The following POLE4 variants were observed in gnomAD, a reference collection of about 807,000 sequenced individuals.
POLE4 encodes DNA polymerase epsilon subunit 4.
Under a neutral mutation model 15.6 loss-of-function variants are expected in POLE4, and 15 were observed. That is an observed-to-expected ratio of 0.96 (90% confidence interval 0.64 to 1.48). POLE4 has a LOEUF of 1.48. Among genes scored for constraint, POLE4 ranks in the 40% most tolerant of loss-of-function variants. The probability of loss-of-function intolerance (pLI) is 0.00; values close to 1 mark genes in which losing one functional copy is unlikely to be tolerated. For missense variants in POLE4, 205 were observed against 151.9 expected, an observed-to-expected ratio of 1.35 and a Z score of -1.84; for synonymous variants, 83 against 63.2, an observed-to-expected ratio of 1.31 and a Z score of -1.49.
chr2:74,958,716 C>G lies in POLE4; in HGVS notation c.37C>G (p.Arg13Gly), dbSNP rs779627545. 2.7e-6 allele frequency: 4 copies of G among 1,495,358 alleles called. No individual in the cohort carries two copies. The highest frequency in any genetic ancestry group is 2.7e-6 in the Non-Finnish European group (3 of 1,126,022). 92.6% of individuals were successfully genotyped at this position (1,495,358 alleles called of 1,614,324 possible). The part of the protein sequence containing the change: ...AAAAAGSGTP[R>G]EEEGPAGEAA... ...GGCGGCGGCAGGAAGCGGGACGCCC[C>G]GAGAGGAGGAGGGACCTGCTGGGGA... The change falls in exon 1 of 4, where the codon CGA (arginine) becomes GGA (glycine). Residue 13 changes from arginine (R) to glycine (G), a missense_variant. Arg to Gly is a moderately radical substitution (Grantham distance 125, BLOSUM62 -2). Transcript: ENST00000483063.
chr2:74,963,615 G>A (rs1558828287), intron 3 of POLE4, among the ~76,000 whole-genome samples: 1 of 151,882 alleles, frequency 6.6e-6, no homozygotes, highest in Non-Finnish European at 1.5e-5. Flanking sequence ...AGATTCTCAC[G>A]TAACTGGGAC....
intron 3 of POLE4, among the ~76,000 whole-genome samples, chr2:74,963,447 ATTTTTGTCCT>A (rs1462927519): frequency 6.7e-6 from 1 of 150,364 alleles, no homozygotes; most frequent in Non-Finnish European, 1.5e-5. Flanking sequence ...TCTGTTAGCT[ATTTTTGTCCT>A]TTTTCTTATT....
Position 74,959,405 on chromosome 2 carries a change from C to T in POLE4, c.278C>T (p.Thr93Ile), listed in dbSNP as rs771295926. 2 of 1,611,690 alleles carry T rather than the reference C, an allele frequency of 1.2e-6. No individual in the cohort carries two copies. The highest frequency in any genetic ancestry group is 1.7e-5 in the Admixed American group (1 of 60,012). Residue 93 changes from threonine to isoleucine, a missense_variant, in exon 2 of 4, where the codon ACC (threonine) becomes ATC (isoleucine). Coordinates refer to ENST00000483063, the MANE Select transcript of POLE4 (RefSeq NM_019896.4). The stretch of plus-strand genomic sequence containing the variant: ...TGCGCTCAGCAGGGAAAAAGGAAAA[C>T]CCTTCAGAGGAGAGACTTGGGTAGA... Reference protein sequence around the residue: ...YCCAQQGKRKTLQRRDLDNAI... With the variant: ...YCCAQQGKRKILQRRDLDNAI...
intron 3 of POLE4, among the ~76,000 whole-genome samples, chr2:74,963,234 C>T (rs1671249606): frequency 6.6e-6 from 1 of 152,168 alleles, no homozygotes; most frequent in Non-Finnish European, 1.5e-5. Context: ...ATTCACGTTC[C>T]TACCAGCAGT....
intron 3 of POLE4, among the ~76,000 whole-genome samples, chr2:74,965,538 G>C (rs753222988): frequency 2.2e-4 from 33 of 152,164 alleles, no homozygotes; most frequent in Non-Finnish European, 5.9e-5. Context: ...TAGATTTTCT[G>C]TGTTCTTACT....
rs979426286 is a variant in POLE4, at chr2:74,958,875, A to C, written c.196A>C (p.Ile66Leu). 1.3e-5 allele frequency: 20 copies of C among 1,557,554 alleles called. No homozygotes were observed. The highest frequency in any genetic ancestry group is 4.1e-5 in the African/African-American group (3 of 73,266). ...GCTAGCGGGACAGGAAGCCATCTTC[A>C]TTCTGGCACGAGCCGCGGTGCGCCT... ...VTLAGQEAIFILARAAELFVE... is the reference protein window; with the variant it reads ...VTLAGQEAIFLLARAAELFVE... The change falls in exon 1 of 4, where the codon ATT becomes CTT. Residue 66 changes from isoleucine to leucine, a missense_variant. Ile to Leu is a conservative substitution (Grantham distance 5). Transcript: ENST00000483063.
chr2:74,959,698 T>G (rs1671187668), intron 2 of POLE4: 1 of 424,374 alleles, frequency 2.4e-6, no homozygotes, highest in South Asian at 4.2e-5. Context: ...TATTTCTTTT[T>G]CACCTAGCAA....
chr2:74,969,308 T>C, intron 3 of POLE4, 101 bp from the exon 4 acceptor site: 1 of 1,032,664 alleles, frequency 9.7e-7, no homozygotes. Context: ...AGAGAACTGC[T>C]GCCAATACCG....
chr2:74,959,120 G>T, intron 1 of POLE4: 3 of 610,846 alleles, frequency 4.9e-6, no homozygotes, highest in South Asian at 2.0e-5. Context: ...TATCTCCAGG[G>T]CCTCGTACAG....
intron 2 of POLE4, chr2:74,959,726 G>T: frequency 2.4e-6 from 1 of 419,350 alleles, no homozygotes; most frequent in Non-Finnish European, 4.3e-6. Context: ...TTTGATTTCT[G>T]ACTCTTGTCT....
At chr2:74,959,954 G>A (rs980429687) in intron 2 of POLE4, 151 bp from the exon 3 acceptor site, 5 of 668,090 alleles carry the variant, frequency 7.5e-6, no homozygotes, top group African/African-American at 5.4e-5. Context: ...TGCTGGTAGA[G>A]TAGATATGGA....
At chr2:74,963,328 G>T (rs564526987) in intron 3 of POLE4, among the ~76,000 whole-genome samples, 181 of 152,216 alleles carry the variant, frequency 1.2e-3, no homozygotes, top group African/African-American at 4.2e-3. Flanking sequence ...GTTATTGAAT[G>T]TAAGTGATAG....
intron 3 of POLE4, among the ~76,000 whole-genome samples, chr2:74,967,478 A>G (rs574592317): frequency 1.3e-5 from 2 of 151,882 alleles, no homozygotes; most frequent in Admixed American, 1.3e-4. Flanking sequence ...GGTATTTTGA[A>G]GTTTGTCTTT....
At chr2:74,960,432 C>T (rs72822157) in intron 3 of POLE4, among the ~76,000 whole-genome samples, 2,647 of 152,210 alleles carry the variant, frequency 0.017, 78 homozygotes, top group African/African-American at 0.06. Context: ...CTACTTTGAT[C>T]GCCATCCCTA....
chr2:74,961,746 C>T (rs1367042880), intron 3 of POLE4, among the ~76,000 whole-genome samples: 1 of 152,058 alleles, frequency 6.6e-6, no homozygotes, highest in African/African-American at 2.4e-5. Context: ...TCATCCTCTG[C>T]CTTCATCCTC....
At chr2:74,968,092 G>A (rs1449029103) in intron 3 of POLE4, among the ~76,000 whole-genome samples, 1 of 152,140 alleles carries the variant, frequency 6.6e-6, no homozygotes, top group African/African-American at 2.4e-5. Flanking sequence ...TAACATTAGA[G>A]GCTGGGTTTG....
At chr2:74,969,377 CCT>C in intron 3 of POLE4, 30 bp from the exon 4 acceptor site, 1 of 1,611,170 alleles carries the variant, frequency 6.2e-7, no homozygotes, top group South Asian at 1.1e-5. Context: ...TCTGAGGTCC[CCT>C]GATATACTCA....
At chr2:74,967,524 A>G (rs1409036609) in intron 3 of POLE4, among the ~76,000 whole-genome samples, 2 of 152,086 alleles carry the variant, frequency 1.3e-5, no homozygotes, top group African/African-American at 4.8e-5. Context: ...GTTGTTTTAT[A>G]GTGAATGTTC....
In POLE4 at chr2:74,969,455, C is replaced by G; in HGVS notation, c.*33C>G. 1 of 1,608,874 alleles carries G rather than the reference C, an allele frequency of 6.2e-7. No homozygotes were observed. The highest frequency in any genetic ancestry group is 8.5e-7 in the Non-Finnish European group (1 of 1,175,250). On this transcript the variant is annotated 3_prime_UTR_variant, in exon 4 of 4. Transcript: ENST00000483063. ...GCGGGGCAGTTTTGTGAGCCTTCAT[C>G]TGAAGCCTTCAGTTCACCCCTCTGC... is the stretch of plus-strand genomic sequence containing the variant.
Sources: gnomAD v4.1 joint callset for allele counts (sites outside exome capture counted in the v4.1 genomes callset) on GRCh38, gnomAD v4.1.1 for gene constraint, MANE v1.5 for transcripts, NCBI Gene and HGNC (gene_info 2026-07-23, HGNC 2026-07-21) for gene names.